The following FANCM variants were observed in gnomAD, a reference collection of about 807,000 sequenced individuals.
FANCM encodes the protein Fanconi anemia group M protein.
A neutral mutation model predicts 199.5 loss-of-function variants in FANCM; 140 were observed. That is an observed-to-expected ratio of 0.70 (90% CI 0.61 to 0.81). The LOEUF (loss-of-function observed/expected upper bound fraction) is 0.81. FANCM is among the 30% of genes least tolerant of loss of function. The pLI, the probability that FANCM is intolerant of heterozygous loss-of-function variation, is 0.00. For synonymous variants in FANCM, 840 were observed against 836.8 expected, an observed-to-expected ratio of 1.00 and a Z score of -0.07; for missense variants, 2,410 against 2,421.4, an observed-to-expected ratio of 1.00 and a Z score of 0.10.
In FANCM at chr14:45,136,008, A is replaced by C; in HGVS notation, c.-24A>C. ...TGCTGCTGCTACGGATATCTGACAG[A>C]AGCCTTCGGTGGTTGTCGGCCTAAT... On this transcript the variant is annotated 5_prime_UTR_variant, in exon 1 of 23. Transcript: ENST00000267430. 6.2e-7 allele frequency: 1 copy of C among 1,612,598 alleles called. No homozygotes were observed. The highest frequency in any genetic ancestry group is 1.1e-5 in the South Asian group (1 of 91,054).
At chr14:45,155,747 C>T (rs570582672) in intron 8 of FANCM, among the ~76,000 whole-genome samples, 13 of 152,214 alleles carry the variant, frequency 8.5e-5, no homozygotes, top group Admixed American at 7.2e-4. Flanking sequence ...TGCAGTGAGC[C>T]GAGATTGTGC....
intron 9 of FANCM, among the ~76,000 whole-genome samples, chr14:45,161,781 A>G (rs1283416267): frequency 6.6e-6 from 1 of 152,098 alleles, no homozygotes; most frequent in South Asian, 2.1e-4. Flanking sequence ...TGTCTCAAAA[A>G]AAGAAAAAAA....
chr14:45,163,141 A>C (rs1887724353), intron 9 of FANCM, among the ~76,000 whole-genome samples: 3 of 152,212 alleles, frequency 2.0e-5, no homozygotes, highest in Admixed American at 6.5e-5. Flanking sequence ...CTTACAGATT[A>C]AGTTAGGTTT....
intron 8 of FANCM, among the ~76,000 whole-genome samples, chr14:45,156,949 A>G (rs1439690924): frequency 1.3e-5 from 2 of 151,146 alleles, no homozygotes; most frequent in African/African-American, 2.4e-5. Flanking sequence ...GGAAAAAAGG[A>G]ATCATATGGC....
At position 45,136,501 on chromosome 14, in the gene FANCM, T is replaced by A. The variant is rs1165497144; in HGVS notation, c.470T>A (p.Val157Glu). 3 of 1,614,004 alleles carry A rather than the reference T, an allele frequency of 1.9e-6. No homozygotes were observed. The highest frequency in any genetic ancestry group is 1.7e-6 in the Non-Finnish European group (2 of 1,180,024). Reference sequence around the variant, plus strand: ...CAGCAGATCGAGGCTTGCTACCAGGTGATGGGTATCCCGCAATCCCACATG... The same window carrying A: ...CAGCAGATCGAGGCTTGCTACCAGGAGATGGGTATCCCGCAATCCCACATG... The part of the protein sequence containing the change: ...VTQQIEACYQ[V>E]MGIPQSHMAE... Residue 157 changes from valine to glutamate, a missense_variant, in exon 1 of 23, where the codon GTG (valine) becomes GAG (glutamate). By Grantham distance (121) the Val-to-Glu change is moderately radical. Transcript: ENST00000267430.
intron 14 of FANCM, among the ~76,000 whole-genome samples, chr14:45,178,737 T>TAC (rs778675103): frequency 2.4e-4 from 36 of 152,288 alleles, no homozygotes; most frequent in Admixed American, 1.4e-3. Flanking sequence ...GGGTAGATGT[T>TAC]TTAGTAGCAG....
intron 21 of FANCM, 84 bp from the exon 22 acceptor site, chr14:45,198,560 G>GTTGAC: frequency 1.1e-6 from 1 of 902,144 alleles, no homozygotes; most frequent in Non-Finnish European, 1.6e-6. Flanking sequence ...GTAGATCTTG[G>GTTGAC]GATTTTAATA....
At chr14:45,144,740 G>T (rs549484342) in intron 3 of FANCM, among the ~76,000 whole-genome samples, 1 of 152,280 alleles carries the variant, frequency 6.6e-6, no homozygotes, top group South Asian at 2.1e-4. Flanking sequence ...CAGAGAAGTG[G>T]GTTCCCCTCT....
chr14:45,137,494 A>G (rs954197283), intron 2 of FANCM: 9 of 469,118 alleles, frequency 1.9e-5, no homozygotes, highest in African/African-American at 1.6e-4. Context: ...CCAGATAATT[A>G]GTGTCAGATG....
chr14:45,147,785 C>T (rs1886513751), intron 3 of FANCM, among the ~76,000 whole-genome samples: 1 of 151,532 alleles, frequency 6.6e-6, no homozygotes, highest in African/African-American at 2.4e-5. Flanking sequence ...CCCAGCTATT[C>T]AAGAGGCTGA....
chr14:45,176,117 T>G lies in FANCM; in HGVS notation c.3363T>G (p.Ser1121Arg), dbSNP rs746805378. 1.4e-5 allele frequency: 23 copies of G among 1,614,066 alleles called. 1 individual carries two copies. Among genetic ancestry groups the G allele is most frequent in the Non-Finnish European group, 1.9e-5 (22 of 1,179,924 alleles). ...VGENNHDVDN[S>R]DLPVLSTDQD... Reference sequence around the variant, plus strand: ...AGAACAATCATGATGTTGATAACAGTGACCTCCCAGTATTGTCCACTGATC... The same window carrying G: ...AGAACAATCATGATGTTGATAACAGGGACCTCCCAGTATTGTCCACTGATC... The change falls in exon 14 of 23, where the codon AGT becomes AGG. Residue 1121 changes from serine (S) to arginine (R), a missense_variant. Coordinates refer to ENST00000267430, the MANE Select transcript of FANCM (RefSeq NM_020937.4).
Position 45,198,707 on chromosome 14 carries a change from G to A in FANCM, c.5780G>A (p.Gly1927Asp). The A allele has an allele frequency of 6.2e-7, 1 of 1,613,844 alleles. No individual in the cohort carries two copies. Among genetic ancestry groups the A allele is most frequent in the South Asian group, 1.1e-5 (1 of 91,066 alleles). ...SYDSLLTTLI[G>D]AGIRILFSSC... ...GACAGCCTGCTGACTACCTTAATTGGCGCTGGAATCCGAATTCTTTTCAGT... is the reference window on the plus strand; with the variant it reads ...GACAGCCTGCTGACTACCTTAATTGACGCTGGAATCCGAATTCTTTTCAGT... Residue 1927 changes from glycine (G) to aspartate (D), a missense_variant, in exon 22 of 23, where the codon GGC becomes GAC. By Grantham distance (94) the Gly-to-Asp change is moderately conservative. Transcript: ENST00000267430.
At chr14:45,168,328 A>G (rs1888116608) in intron 11 of FANCM, among the ~76,000 whole-genome samples, 1 of 152,196 alleles carries the variant, frequency 6.6e-6, no homozygotes. Flanking sequence ...TTTGGTTAAA[A>G]TAAAAACACA....
At chr14:45,182,722 C>T (rs1889146933) in intron 16 of FANCM, among the ~76,000 whole-genome samples, 1 of 152,158 alleles carries the variant, frequency 6.6e-6, no homozygotes, top group Non-Finnish European at 1.5e-5. Flanking sequence ...TGTAAAATTA[C>T]AGGTGCTTCT....
At chr14:45,165,986 TA>T (rs1224046875) in intron 10 of FANCM, among the ~76,000 whole-genome samples, 1 of 152,152 alleles carries the variant, frequency 6.6e-6, no homozygotes, top group East Asian at 1.9e-4. Context: ...GGAATAGTTT[TA>T]AAAAAACACA....
intron 7 of FANCM, 45 bp from the exon 8 acceptor site, chr14:45,155,328 T>G: frequency 1.2e-6 from 1 of 844,834 alleles, no homozygotes; most frequent in South Asian, 1.4e-5. Context: ...TAATTGAATA[T>G]GGAAAAAAAC....
chr14:45,150,509 G>C (rs1886740454), intron 4 of FANCM, among the ~76,000 whole-genome samples: 1 of 152,122 alleles, frequency 6.6e-6, no homozygotes, highest in African/African-American at 2.4e-5. Flanking sequence ...ACATACTGCG[G>C]TAGTAGGTCT....
intron 4 of FANCM, 116 bp downstream of exon 4, chr14:45,149,111 G>A (rs1352016019): frequency 1.4e-5 from 13 of 937,376 alleles, no homozygotes; most frequent in Non-Finnish European, 1.9e-5. Context: ...TAATTGATAT[G>A]TTGAAAAAAT....
At chr14:45,142,077 G>A (rs996779155) in intron 3 of FANCM, among the ~76,000 whole-genome samples, 34 of 152,118 alleles carry the variant, frequency 2.2e-4, no homozygotes, top group Non-Finnish European at 3.2e-4. Flanking sequence ...AGAAGTCTTC[G>A]TTTGGTCCTC....
Sources: gnomAD v4.1 joint callset for allele counts (sites outside exome capture counted in the v4.1 genomes callset) on GRCh38, gnomAD v4.1.1 for gene constraint, MANE v1.5 for transcripts, NCBI Gene and HGNC (gene_info 2026-07-23, HGNC 2026-07-21) for gene names.